BRINP3: variants seen among roughly 807,000 people sequenced by gnomAD.
The protein encoded by BRINP3 is BMP/retinoic acid inducible neural specific 3.
BRINP3 carries 19 observed loss-of-function variants against 71.0 expected under a neutral mutation model. That is an observed-to-expected ratio of 0.27 (90% confidence interval 0.19 to 0.39). BRINP3 has a LOEUF of 0.39. Ranked by LOEUF, BRINP3 falls within the 10% of genes least tolerant of loss-of-function variation. The pLI is 1.00. For synonymous variants in BRINP3, 380 were observed against 337.7 expected, an observed-to-expected ratio of 1.13 and a Z score of -1.37; for missense variants, 959 against 940.8, an observed-to-expected ratio of 1.02 and a Z score of -0.25.
intron 7 of BRINP3, among the ~76,000 whole-genome samples, chr1:190,102,183 T>C (rs922635554): frequency 1.3e-5 from 2 of 152,182 alleles, no homozygotes; most frequent in African/African-American, 4.8e-5. Context: ...TTTTCTTTAC[T>C]CCTTGTGTAA....
chr1:190,360,995 T>A (rs896566042), intron 2 of BRINP3, among the ~76,000 whole-genome samples: 1 of 152,072 alleles, frequency 6.6e-6, no homozygotes, highest in African/African-American at 2.4e-5. Context: ...TTGTTCAGTA[T>A]GTGGGAAGAG....
intron 3 of BRINP3, among the ~76,000 whole-genome samples, chr1:190,271,113 A>T (rs2102897372): frequency 6.6e-6 from 1 of 151,790 alleles, no homozygotes; most frequent in South Asian, 2.1e-4. Flanking sequence ...TTTTCCTATT[A>T]CTGAAGGTGT....
intron 2 of BRINP3, among the ~76,000 whole-genome samples, chr1:190,451,187 G>A (rs1236553179): frequency 6.6e-6 from 1 of 150,708 alleles, no homozygotes; most frequent in Non-Finnish European, 1.5e-5. Context: ...GTTAGGGAAA[G>A]AAAAAAAAAA....
At chr1:190,371,851 T>C (rs1341641961) in intron 2 of BRINP3, among the ~76,000 whole-genome samples, 1 of 151,824 alleles carries the variant, frequency 6.6e-6, no homozygotes, top group African/African-American at 2.4e-5. Context: ...ATTCAGAGAG[T>C]CTCCGACCCC....
intron 6 of BRINP3, among the ~76,000 whole-genome samples, chr1:190,220,986 T>G (rs1250060318): frequency 6.6e-6 from 1 of 152,002 alleles, no homozygotes; most frequent in African/African-American, 2.4e-5. Context: ...TTCTAAGAGA[T>G]AGTATAAAAA....
intron 2 of BRINP3, among the ~76,000 whole-genome samples, chr1:190,368,599 T>C (rs998871033): frequency 6.6e-6 from 1 of 152,110 alleles, no homozygotes. Flanking sequence ...AAACAAGTTT[T>C]ATTTTGGGTC....
chr1:190,148,031 C>T (rs1656044859), intron 7 of BRINP3, among the ~76,000 whole-genome samples: 2 of 152,114 alleles, frequency 1.3e-5, no homozygotes, highest in East Asian at 1.9e-4. Context: ...CTTTAAAATA[C>T]GTCAAATATT....
chr1:190,162,932 CA>C (rs552149781), intron 6 of BRINP3, among the ~76,000 whole-genome samples: 18 of 152,142 alleles, frequency 1.2e-4, no homozygotes, highest in African/African-American at 4.1e-4. Context: ...ACAGTACATA[CA>C]GATGTTTCAA....
chr1:190,203,846 T>C (rs1424096210), intron 6 of BRINP3, among the ~76,000 whole-genome samples: 1 of 137,298 alleles, frequency 7.3e-6, no homozygotes, highest in Non-Finnish European at 1.6e-5. Context: ...TGGCATTTTA[T>C]CTATTGTGTT....
At chr1:190,388,450 T>C (rs1020212014) in intron 2 of BRINP3, among the ~76,000 whole-genome samples, 9 of 151,764 alleles carry the variant, frequency 5.9e-5, no homozygotes, top group Non-Finnish European at 1.2e-4. Flanking sequence ...AGTATAATTA[T>C]AAAAATAGGA....
At chr1:190,242,155 C>T (rs1281303194) in intron 4 of BRINP3, among the ~76,000 whole-genome samples, 7 of 151,814 alleles carry the variant, frequency 4.6e-5, no homozygotes, top group South Asian at 2.1e-4. Flanking sequence ...ACAAAATGTT[C>T]GTCTCAGAAT....
chr1:190,470,715 C>T (rs912008549), intron 1 of BRINP3, among the ~76,000 whole-genome samples: 1 of 150,924 alleles, frequency 6.6e-6, no homozygotes, highest in Admixed American at 6.6e-5. Context: ...TTCACCATCT[C>T]AATTGATACA....
At chr1:190,297,564 T>C (rs1664344235) in intron 2 of BRINP3, among the ~76,000 whole-genome samples, 1 of 152,164 alleles carries the variant, frequency 6.6e-6, no homozygotes, top group African/African-American at 2.4e-5. Context: ...GATTCCTATT[T>C]TTCTCAGATT....
chr1:190,184,366 C>A (rs561756966), intron 6 of BRINP3, among the ~76,000 whole-genome samples: 2 of 152,234 alleles, frequency 1.3e-5, no homozygotes, highest in South Asian at 4.1e-4. Flanking sequence ...TTCCACCCAG[C>A]AATCCCATTA....
chr1:190,418,587 C>A (rs935404880), intron 2 of BRINP3, among the ~76,000 whole-genome samples: 14 of 151,968 alleles, frequency 9.2e-5, no homozygotes, highest in Non-Finnish European at 4.4e-5. Context: ...ATAAAACTGG[C>A]CAATTTTAAA....
chr1:190,100,643 A>G (rs1651622647), intron 7 of BRINP3, among the ~76,000 whole-genome samples: 1 of 152,184 alleles, frequency 6.6e-6, no homozygotes, highest in African/African-American at 2.4e-5. Flanking sequence ...ACAACACTTT[A>G]TTTGACATTT....
intron 6 of BRINP3, among the ~76,000 whole-genome samples, chr1:190,176,900 T>C (rs961798932): frequency 6.6e-6 from 1 of 152,206 alleles, no homozygotes; most frequent in African/African-American, 2.4e-5. Flanking sequence ...AGAGCTCATC[T>C]GCTTCTTTTA....
Position 190,226,546 on chromosome 1 carries a change from A to G in BRINP3, c.725-228T>C, listed in dbSNP as rs536352080. Among the ~76,000 whole-genome samples the G allele has an allele frequency of 1.7e-4, 26 of 152,144 alleles. 1 individual carries two copies. The East Asian group carries it at 4.3e-3, about 25-fold the overall frequency. On this transcript the variant is annotated intron_variant, in intron 5 of 7. Coordinates refer to ENST00000367462, the MANE Select transcript of BRINP3 (RefSeq NM_199051.3). Reference sequence around the variant, plus strand: ...TGAAACTTCAGAAATAGAGATGATTAATCATGGAGATGATTGAAAACTCAG... The same window carrying G: ...TGAAACTTCAGAAATAGAGATGATTGATCATGGAGATGATTGAAAACTCAG...
chr1:190,098,345 C>T lies in BRINP3; in HGVS notation c.1974G>A (p.Leu658=), dbSNP rs1651380984. 1 of 1,613,966 alleles carries T rather than the reference C, an allele frequency of 6.2e-7. No individual in the cohort carries two copies. Among genetic ancestry groups the T allele is most frequent in the South Asian group, 1.1e-5 (1 of 91,082 alleles). The change falls in exon 8 of 8, where the codon CTG becomes CTA. Residue 658 remains leucine, a synonymous_variant. Coordinates refer to ENST00000367462, the MANE Select transcript of BRINP3 (RefSeq NM_199051.3). ...PLEFIDPSRN[L]GYMKINNIQV... is the part of the protein sequence containing the mutation. ...GAATGTTATTGATTTTCATATAGCCCAGGTTCCGGGAAGGGTCAATAAACT... is the reference window on the plus strand; with the variant it reads ...GAATGTTATTGATTTTCATATAGCCTAGGTTCCGGGAAGGGTCAATAAACT...
Sources: allele counts gnomAD v4.1 joint callset (sites outside exome capture counted in the v4.1 genomes callset), GRCh38; gene constraint gnomAD v4.1.1; transcripts MANE v1.5; gene names NCBI Gene and HGNC (gene_info 2026-07-23, HGNC 2026-07-21).